FARS2: variants seen among roughly 807,000 people sequenced by gnomAD.
The protein encoded by FARS2 is phenylalanine--tRNA ligase, mitochondrial.
In FARS2, 40 loss-of-function variants were observed where a neutral mutation model predicts 46.4. The observed-to-expected ratio is 0.86, with a 90% CI of 0.67 to 1.12. The LOEUF is 1.12. Ranked by LOEUF, FARS2 falls within the 50% of genes most tolerant of loss-of-function variation. The probability of loss-of-function intolerance (pLI) is 0.00; values close to 1 mark genes in which losing one functional copy is unlikely to be tolerated. For synonymous variants in FARS2, 234 were observed against 214.9 expected (o/e 1.09, Z -0.78); for missense variants, 513 against 567.9 (o/e 0.90, Z 0.98).
chr6:5,339,404 C>G (rs1194253698), intron 1 of FARS2, among the ~76,000 whole-genome samples: 1 of 150,542 alleles, frequency 6.6e-6, no homozygotes, highest in African/African-American at 2.4e-5. Flanking sequence ...TCGTGCATAC[C>G]AAAAATTAAT....
At chr6:5,303,632 G>GA (rs1158678370) in intron 1 of FARS2, among the ~76,000 whole-genome samples, 1 of 151,898 alleles carries the variant, frequency 6.6e-6, no homozygotes, top group Non-Finnish European at 1.5e-5. Context: ...CTCTGAAAGT[G>GA]AAAAGTTGCT....
Position 5,436,490 on chromosome 6 carries a change from G to T in FARS2, c.904+5318G>T, listed in dbSNP as rs143557314. On this transcript the variant is annotated intron_variant, in intron 4 of 6. Transcript: ENST00000274680. ...GCACTGTGCTGGACAGAGGAAATTA[G>T]GAAAATGGATGAAACACACCTTCTC... Among the ~76,000 whole-genome samples the T allele has an allele frequency of 2.6e-5, 4 of 152,326 alleles. No individual in the cohort carries two copies. The East Asian group carries it at 7.7e-4, about 29-fold the overall frequency.
intron 1 of FARS2, among the ~76,000 whole-genome samples, chr6:5,282,860 T>C (rs1302212909): frequency 6.6e-6 from 1 of 152,142 alleles, no homozygotes; most frequent in Non-Finnish European, 1.5e-5. Flanking sequence ...ATGGCAGAGA[T>C]ATTGTCCAGA....
At chr6:5,271,497 AT>A (rs1053190911) in intron 1 of FARS2, among the ~76,000 whole-genome samples, 9 of 148,872 alleles carry the variant, frequency 6.0e-5, no homozygotes, top group African/African-American at 1.2e-4. Flanking sequence ...CCAGAGTTAT[AT>A]TTTTTTATTT....
intron 3 of FARS2, among the ~76,000 whole-genome samples, chr6:5,410,823 G>A (rs1417011541): frequency 6.6e-6 from 1 of 152,000 alleles, no homozygotes; most frequent in Non-Finnish European, 1.5e-5. Context: ...CTTCTTAAAT[G>A]GAATCACATC....
intron 6 of FARS2, among the ~76,000 whole-genome samples, chr6:5,728,492 A>G (rs1760416593): frequency 6.6e-6 from 1 of 152,168 alleles, no homozygotes; most frequent in Non-Finnish European, 1.5e-5. Context: ...ACTCATGGAA[A>G]AAGGATGCCT....
rs1561818435 is a variant in FARS2, at chr6:5,717,923, T to G, written c.1218-53368T>G. Among the ~76,000 whole-genome samples the G allele has an allele frequency of 2.0e-3, 62 of 31,242 alleles. 3 individuals are homozygous for G. The highest frequency in any genetic ancestry group is 0.011 in the African/African-American group (44 of 3,852). 20.5% of individuals were successfully genotyped at this position (31,242 alleles called of 152,430 possible). A position where few individuals can be genotyped will look rare whatever the true frequency, so the allele number is the denominator to read the frequency against. On this transcript the variant is annotated intron_variant, in intron 6 of 6. Transcript: ENST00000274680. Reference sequence around the variant, plus strand: ...AAGGTATCAGCTATATATATATATATATATATATATATACAGAGTCTCACT... The same window carrying G: ...AAGGTATCAGCTATATATATATATAGATATATATATATACAGAGTCTCACT...
intron 5 of FARS2, among the ~76,000 whole-genome samples, chr6:5,550,890 G>A (rs1339261048): frequency 1.3e-5 from 2 of 152,146 alleles, no homozygotes; most frequent in Non-Finnish European, 2.9e-5. Flanking sequence ...TTTCTTCAAA[G>A]AGCCCTCTGT....
chr6:5,718,948 C>T (rs1056103731), intron 6 of FARS2, among the ~76,000 whole-genome samples: 2 of 152,128 alleles, frequency 1.3e-5, no homozygotes, highest in African/African-American at 2.4e-5. Context: ...TGGAAGATGG[C>T]GGGAATGTTT....
At chr6:5,647,470 T>C (rs1777135987) in intron 6 of FARS2, among the ~76,000 whole-genome samples, 1 of 152,226 alleles carries the variant, frequency 6.6e-6, no homozygotes, top group South Asian at 2.1e-4. Context: ...ATGTTCACTT[T>C]TACCAGCCTG....
chr6:5,529,392 C>T (rs1461809712), intron 4 of FARS2, among the ~76,000 whole-genome samples: 1 of 152,176 alleles, frequency 6.6e-6, no homozygotes, highest in Non-Finnish European at 1.5e-5. Flanking sequence ...ACTGCAACCT[C>T]CGCCTCCTGG....
chr6:5,277,841 G>A (rs1581674041), intron 1 of FARS2, among the ~76,000 whole-genome samples: 1 of 152,152 alleles, frequency 6.6e-6, no homozygotes, highest in African/African-American at 2.4e-5. Context: ...ACACCATGTT[G>A]TCCATTTTCA....
At chr6:5,686,532 T>G (rs951366555) in intron 6 of FARS2, among the ~76,000 whole-genome samples, 1 of 152,188 alleles carries the variant, frequency 6.6e-6, no homozygotes, top group African/African-American at 2.4e-5. Context: ...GAACATGAAC[T>G]CGTCCTTTTT....
chr6:5,643,201 G>A (rs1460748751), intron 6 of FARS2, among the ~76,000 whole-genome samples: 1 of 152,214 alleles, frequency 6.6e-6, no homozygotes, highest in Non-Finnish European at 1.5e-5. Flanking sequence ...GGAGGAGGGA[G>A]CAAATGTACG....
intron 6 of FARS2, among the ~76,000 whole-genome samples, chr6:5,714,609 A>G (rs1759384715): frequency 6.6e-6 from 1 of 152,192 alleles, no homozygotes; most frequent in African/African-American, 2.4e-5. Flanking sequence ...GTTAGAGCCA[A>G]CAAAGGAAGA....
chr6:5,300,572 CTG>C (rs1768227459), intron 1 of FARS2, among the ~76,000 whole-genome samples: 1 of 152,106 alleles, frequency 6.6e-6, no homozygotes, highest in Non-Finnish European at 1.5e-5. Flanking sequence ...TGACAGGTGT[CTG>C]TGTGGAGATG....
intron 3 of FARS2, among the ~76,000 whole-genome samples, chr6:5,428,835 C>T (rs9328300): frequency 0.38 from 57,788 of 152,036 alleles, 11,622 homozygotes; most frequent in Non-Finnish European, 0.44. Flanking sequence ...AGTTCTCCAA[C>T]GGCCTGCAAC....
Position 5,405,480 on chromosome 6 carries a change from CTTTTTTTTTTTT to C in FARS2, c.772+793_772+804del, listed in dbSNP as rs398000284. ...AGGACGTGATCAGTGGAGCAAGGTT[CTTTTTTTTTTTT>C]TTTTTTTTTTTTTGAGACGGAGTCT... is the stretch of plus-strand genomic sequence containing the variant. On this transcript the variant is annotated intron_variant, in intron 3 of 6. Transcript: ENST00000274680. 4.4e-3 allele frequency among the ~76,000 whole-genome samples: 261 copies of C among 58,964 alleles called. 4 individuals are homozygous for C. Among genetic ancestry groups the C allele is most frequent in the Middle Eastern group, 0.032 (2 of 62 alleles). The allele number at this position is 58,964 out of a possible 152,430, so 38.7% of individuals were successfully genotyped here. A position where few individuals can be genotyped will look rare whatever the true frequency, so the allele number is the denominator to read the frequency against.
At chr6:5,285,778 G>T (rs1767065156) in intron 1 of FARS2, among the ~76,000 whole-genome samples, 1 of 152,196 alleles carries the variant, frequency 6.6e-6, no homozygotes, top group Non-Finnish European at 1.5e-5. Context: ...AAGGGGCCAT[G>T]AAGCCCAGCT....
Sources: allele counts gnomAD v4.1 joint callset (sites outside exome capture counted in the v4.1 genomes callset), GRCh38; gene constraint gnomAD v4.1.1; transcripts MANE v1.5; gene names NCBI Gene and HGNC (gene_info 2026-07-23, HGNC 2026-07-21).